The following NOS1 variants were observed in gnomAD, a reference collection of about 807,000 sequenced individuals.
NOS1 encodes NOS type I.
NOS1 carries 51 observed loss-of-function variants against 164.5 expected under a neutral mutation model. That is an observed-to-expected ratio of 0.31 (90% confidence interval 0.25 to 0.39). The LOEUF (loss-of-function observed/expected upper bound fraction) is 0.39, where lower values mean the gene tolerates loss of function less well. Ranked by LOEUF, NOS1 falls within the 10% of genes least tolerant of loss-of-function variation. NOS1 has a pLI of 1.00. For synonymous variants in NOS1, 719 were observed against 745.8 expected, an observed-to-expected ratio of 0.96 and a Z score of 0.59; for missense variants, 1,362 against 1,885.6, an observed-to-expected ratio of 0.72 and a Z score of 5.14.
intron 1 of NOS1, among the ~76,000 whole-genome samples, chr12:117,357,603 C>A (rs1000490333): frequency 3.9e-5 from 6 of 152,040 alleles, no homozygotes; most frequent in Non-Finnish European, 8.8e-5. Context: ...ATTTGTACAA[C>A]GAGGGTGACA....
At chr12:117,302,582 G>A (rs1211986001) in intron 3 of NOS1, among the ~76,000 whole-genome samples, 8 of 129,918 alleles carry the variant, frequency 6.2e-5, no homozygotes, top group African/African-American at 2.4e-4. Flanking sequence ...GTGAAAGAGC[G>A]AGACTCCGTC....
intron 20 of NOS1, among the ~76,000 whole-genome samples, chr12:117,239,327 C>T (rs1335096488): frequency 6.6e-6 from 1 of 152,186 alleles, no homozygotes; most frequent in Non-Finnish European, 1.5e-5. Flanking sequence ...TTTCTAAAGC[C>T]CACCCTCCCT....
Position 117,210,706 on chromosome 12 carries a change from T to C in NOS1, c.*4603A>G, listed in dbSNP as rs1016481583. Reference sequence around the variant, plus strand: ...AGCTTAGGGCAAGACCTGACCTCTTTCAAAGTCCAGAGCAGGCAGCTGCTG... The same window carrying C: ...AGCTTAGGGCAAGACCTGACCTCTTCCAAAGTCCAGAGCAGGCAGCTGCTG... On this transcript the variant is annotated 3_prime_UTR_variant, in exon 29 of 29. Transcript: ENST00000317775. 4.1e-6 allele frequency: 4 copies of C among 985,316 alleles called. No individual in the cohort carries two copies. In the African/African-American group the frequency reaches 5.2e-5, roughly 13 times the overall value. The allele number at this position is 985,316 out of a possible 1,614,324, so 61.0% of individuals were successfully genotyped here.
At position 117,215,233 on chromosome 12, in the gene NOS1, G is replaced by A. The variant is rs1205453040; in HGVS notation, c.*76C>T. On this transcript the variant is annotated 3_prime_UTR_variant, in exon 29 of 29. Transcript: ENST00000317775. ...ACAGGAGGCAGAGCGAGGGCCACAG[G>A]GGGTCCCAGAGGAAAGGTTCAGCAG... The A allele has an allele frequency of 1.3e-5, 19 of 1,424,754 alleles. No individual in the cohort carries two copies. Among genetic ancestry groups the A allele is most frequent in the Middle Eastern group, 1.9e-4 (1 of 5,286 alleles). 88.3% of individuals were successfully genotyped at this position (1,424,754 alleles called of 1,614,324 possible).
chr12:117,235,988 A>G (rs1869675149), intron 20 of NOS1, among the ~76,000 whole-genome samples: 1 of 151,324 alleles, frequency 6.6e-6, no homozygotes, highest in East Asian at 1.9e-4. Context: ...GGTTGCAATG[A>G]GCAGAAACTG....
rs148528438 is a variant in NOS1, at chr12:117,245,514, C to T, written c.2823+1834G>A. ...TGAGCAATGGGATTTTTTTTAAATA[C>T]TGAAGAAAGATAACAGTTTATTATA... is the stretch of plus-strand genomic sequence containing the variant. On this transcript the variant is annotated intron_variant, in intron 18 of 28. Coordinates refer to ENST00000317775, the MANE Select transcript of NOS1 (RefSeq NM_000620.5). 1.4e-3 allele frequency: 207 copies of T among 152,264 alleles called. 1 individual carries two copies. Among genetic ancestry groups the T allele is most frequent in the African/African-American group, 4.8e-3 (198 of 41,534 alleles). The allele number at this position is 152,264 out of a possible 1,614,324, so 9.4% of individuals were successfully genotyped here. A position where few individuals can be genotyped will look rare whatever the true frequency, so the allele number is the denominator to read the frequency against.
Position 117,288,172 on chromosome 12 carries a change from A to G in NOS1, c.1029T>C (p.Pro343=), listed in dbSNP as rs768086324. The G allele has an allele frequency of 6.2e-7, 1 of 1,614,064 alleles. No homozygotes were observed. Among genetic ancestry groups the G allele is most frequent in the South Asian group, 1.1e-5 (1 of 91,080 alleles). ...CTTCAGGCCTCCTTGCATGCTGAGA[A>G]GGATGCATGATGGAGCCCATGCAGA... ...EYICMGSIMH[P]SQHARRPEDV... is the part of the protein sequence containing the mutation. The change falls in exon 5 of 29, where the codon CCT becomes CCC. Residue 343 remains proline (P), a synonymous_variant. Coordinates refer to ENST00000317775, the MANE Select transcript of NOS1 (RefSeq NM_000620.5).
intron 1 of NOS1, among the ~76,000 whole-genome samples, chr12:117,334,419 CAG>C (rs1208767523): frequency 3.3e-5 from 5 of 151,850 alleles, no homozygotes; most frequent in Admixed American, 1.3e-4. Flanking sequence ...TTTTTTTAGA[CAG>C]AGTCTCACTC....
chr12:117,226,233 G>T (rs999783432), intron 24 of NOS1, among the ~76,000 whole-genome samples: 1 of 152,174 alleles, frequency 6.6e-6, no homozygotes. Context: ...ACTATAACTG[G>T]TCTAAGATCA....
rs905930680 is a variant in NOS1 at position 117,212,753 on chromosome 12, T to C, written c.*2556A>G. On this transcript the variant is annotated 3_prime_UTR_variant, in exon 29 of 29. Transcript: ENST00000317775. ...TAAACGGTTGGCTACGAGGCCTGGA[T>C]GAAAAGCCACCACGAGAGGGCAGTA... is the stretch of plus-strand genomic sequence containing the variant. 126 of 985,326 alleles carry C rather than the reference T, an allele frequency of 1.3e-4. No individual in the cohort carries two copies. The highest frequency in any genetic ancestry group is 1.4e-4 in the Non-Finnish European group (118 of 829,962). The allele number at this position is 985,326 out of a possible 1,614,324, so 61.0% of individuals were successfully genotyped here. A position where few individuals can be genotyped will look rare whatever the true frequency, so the allele number is the denominator to read the frequency against.
rs1956576380 is a variant in NOS1, at chr12:117,214,740, C to T, written c.*569G>A. On this transcript the variant is annotated 3_prime_UTR_variant, in exon 29 of 29. Transcript: ENST00000317775. The stretch of plus-strand genomic sequence containing the variant: ...GAGGGATTAATATGGGCCAGGGACA[C>T]GTTTCTTGGCATTGAGGGTCTTCAA... 1.0e-5 allele frequency: 10 copies of T among 985,222 alleles called. No homozygotes were observed. The South Asian group carries it at 1.4e-4, about 14-fold the overall frequency. 61.0% of individuals were successfully genotyped at this position (985,222 alleles called of 1,614,324 possible).
At chr12:117,338,099 C>T (rs767601512) in intron 1 of NOS1, among the ~76,000 whole-genome samples, 8 of 152,012 alleles carry the variant, frequency 5.3e-5, no homozygotes, top group East Asian at 1.9e-4. Context: ...CACCTGTGAT[C>T]CCAGCTGATC....
rs553459988 is a variant in NOS1 at position 117,280,815 on chromosome 12, T to G, written c.1434A>C (p.Arg478=). 6.8e-6 allele frequency: 11 copies of G among 1,614,170 alleles called. No homozygotes were observed. In the South Asian group the frequency reaches 1.2e-4, roughly 18 times the overall value. The change falls in exon 8 of 29, where the codon CGA becomes CGC. Residue 478 remains arginine (R), a synonymous_variant. Transcript: ENST00000317775. The part of the protein sequence containing the change: ...PQRTDGKHDF[R]VWNSQLIRYA... ...AGCGGATGAGCTGGGAGTTCCAGAC[T>G]CGGAAGTCGTGCTTGCCGTCTGTCC...
intron 12 of NOS1, among the ~76,000 whole-genome samples, chr12:117,264,498 T>C (rs540042136): frequency 1.3e-4 from 19 of 150,546 alleles, no homozygotes; most frequent in African/African-American, 4.2e-4. Flanking sequence ...TTCTCTTTCT[T>C]TCTCTCTCTC....
chr12:117,322,254 C>A (rs1421479600), intron 2 of NOS1, among the ~76,000 whole-genome samples: 1 of 137,704 alleles, frequency 7.3e-6, no homozygotes, highest in African/African-American at 2.8e-5. Context: ...TTCCTTCCCT[C>A]CCTCCTTTCC....
At chr12:117,328,467 C>T (rs1233818238) in intron 2 of NOS1, among the ~76,000 whole-genome samples, 1 of 152,210 alleles carries the variant, frequency 6.6e-6, no homozygotes, top group Non-Finnish European at 1.5e-5. Context: ...CCTTGCCTGG[C>T]GGTATTTAAA....
At chr12:117,278,169 C>T (rs756005832) in intron 8 of NOS1, 71 bp from the exon 9 acceptor site, 26 of 1,492,912 alleles carry the variant, frequency 1.7e-5, no homozygotes, top group African/African-American at 4.2e-5. Flanking sequence ...ATGTGGGAAG[C>T]GGGGGTGGGG....
rs752761099 is a variant in NOS1 at position 117,218,163 on chromosome 12, T to C, written c.4172A>G (p.Asp1391Gly). The C allele has an allele frequency of 1.9e-6, 3 of 1,612,370 alleles. No individual in the cohort carries two copies. Among genetic ancestry groups the C allele is most frequent in the African/African-American group, 1.3e-5 (1 of 75,004 alleles). Residue 1391 changes from aspartate (D) to glycine (G), a missense_variant and splice_region_variant, in exon 28 of 29, where the codon GAT becomes GGT. Physicochemically the swap from Asp to Gly is moderately conservative, Grantham distance 94. Coordinates refer to ENST00000317775, the MANE Select transcript of NOS1 (RefSeq NM_000620.5). ...AATATCCTCATGGTATCGGTTGTCATCCTAGAAGACAGAAACAGCCAGAAA... is the reference window on the plus strand; with the variant it reads ...AATATCCTCATGGTATCGGTTGTCACCCTAGAAGACAGAAACAGCCAGAAA... ...DAGVFISRMR[D>G]DNRYHEDIFG...
intron 3 of NOS1, among the ~76,000 whole-genome samples, chr12:117,307,871 C>T (rs374647281): frequency 6.6e-6 from 1 of 151,782 alleles, no homozygotes; most frequent in Non-Finnish European, 1.5e-5. Context: ...AAAAATTACC[C>T]GAGTGTGGTG....
Sources: allele counts gnomAD v4.1 joint callset (sites outside exome capture counted in the v4.1 genomes callset), GRCh38; gene constraint gnomAD v4.1.1; transcripts MANE v1.5; gene names NCBI Gene and HGNC (gene_info 2026-07-23, HGNC 2026-07-21).